The following GSE1 variants were observed in gnomAD, a reference collection of about 807,000 sequenced individuals.
The protein encoded by GSE1 is genetic suppressor element 1.
In GSE1, 32 loss-of-function variants were observed where a neutral mutation model predicts 112.6. The ratio of observed to expected loss-of-function variants is 0.28; its 90% CI spans 0.21 to 0.38. The LOEUF is 0.38. GSE1 is among the 10% of genes least tolerant of loss of function. The pLI, the probability that GSE1 is intolerant of heterozygous loss-of-function variation, is 1.00. For missense variants in GSE1, 2,348 were observed against 1,699.2 expected (o/e 1.38, Z -6.71); for synonymous variants, 1,115 against 735.6 (o/e 1.52, Z -8.35).
chr16:85,652,581 C>G (rs920717579), intron 3 of GSE1, among the ~76,000 whole-genome samples: 2 of 152,180 alleles, frequency 1.3e-5, no homozygotes, highest in African/African-American at 2.4e-5. Flanking sequence ...CCAGTTAATC[C>G]TCGCTGACTG....
At chr16:85,304,607 G>GGGC (rs1555557456) in intron 1 of GSE1, among the ~76,000 whole-genome samples, 1 of 123,962 alleles carries the variant, frequency 8.1e-6, no homozygotes, top group Admixed American at 7.7e-5. Context: ...GGGGCGGGGG[G>GGGC]GTGGGGCATC....
chr16:85,611,487 G>A, upstream of GSE1: 3 of 985,128 alleles, frequency 3.0e-6, no homozygotes, highest in Non-Finnish European at 3.6e-6. Flanking sequence ...GTCGTGCGGG[G>A]AAGCAGCACC....
In GSE1 at chr16:85,521,508, C is replaced by A. The variant is rs543248374; in HGVS notation, c.2465-112406C>A. Among the ~76,000 whole-genome samples, 12 of 152,346 alleles carry A rather than the reference C, an allele frequency of 7.9e-5. No homozygotes were observed. In the East Asian group the frequency reaches 2.3e-3, roughly 29 times the overall value. ...GCATCAATAGGCCAGGGTTTCAGGC[C>A]CAGCTTTACCTGCAGCAGTTCAGCT... On this transcript the variant is annotated intron_variant, in intron 2 of 2. Coordinates refer to the GSE1 transcript ENST00000637419.
Position 85,661,732 on chromosome 16 carries a change from G to A in GSE1, c.2227G>A (p.Glu743Lys). ...RRRLVSKLDL[E>K]ERRRREAQEK... ...GAGGCTGGTCAGCAAGCTGGACCTG[G>A]AGGAGCGCAGGCGGCGGGAGGCCCA... is the stretch of plus-strand genomic sequence containing the variant. Residue 743 changes from glutamate to lysine, a missense_variant, in exon 9 of 16, where the codon GAG becomes AAG. By Grantham distance (56) the Glu-to-Lys change is moderately conservative. Transcript: ENST00000253458. The A allele has an allele frequency of 8.3e-6, 13 of 1,573,274 alleles. No homozygotes were observed. Among genetic ancestry groups the A allele is most frequent in the Non-Finnish European group, 1.1e-5 (13 of 1,158,346 alleles).
At chr16:85,403,322 G>C (rs567224493) in intron 2 of GSE1, among the ~76,000 whole-genome samples, 110 of 152,300 alleles carry the variant, frequency 7.2e-4, no homozygotes, top group African/African-American at 2.6e-3. Context: ...AAGTCACCAG[G>C]TCCAGCCCAC....
At chr16:85,502,136 C>A (rs1055627785) in intron 2 of GSE1, among the ~76,000 whole-genome samples, 2 of 152,138 alleles carry the variant, frequency 1.3e-5, no homozygotes, top group African/African-American at 4.8e-5. Context: ...GGGAAGGCAG[C>A]TGGAGGTTGG....
chr16:85,255,145 G>A (rs1471135999), intron 1 of GSE1, among the ~76,000 whole-genome samples: 1 of 152,220 alleles, frequency 6.6e-6, no homozygotes, highest in Non-Finnish European at 1.5e-5. Context: ...GGCGTGAGAG[G>A]CAGGATGGAG....
intron 1 of GSE1, among the ~76,000 whole-genome samples, chr16:85,239,537 G>T (rs1161602654): frequency 6.6e-6 from 1 of 152,226 alleles, no homozygotes; most frequent in Non-Finnish European, 1.5e-5. Context: ...CTTTCCTGGA[G>T]CCTGGCCTCA....
At chr16:85,477,819 C>G (rs954991620) in intron 2 of GSE1, among the ~76,000 whole-genome samples, 5 of 152,102 alleles carry the variant, frequency 3.3e-5, no homozygotes, top group African/African-American at 1.2e-4. Context: ...CTCGGCCTCC[C>G]AAAGTGTTGA....
intron 1 of GSE1, among the ~76,000 whole-genome samples, chr16:85,205,899 G>A (rs531564277): frequency 2.0e-5 from 3 of 152,198 alleles, no homozygotes; most frequent in African/African-American, 4.8e-5. Flanking sequence ...ACTGAGTGCC[G>A]TCACGTGCCT....
intron 2 of GSE1, among the ~76,000 whole-genome samples, chr16:85,491,977 C>T (rs540647130): frequency 1.3e-5 from 2 of 152,210 alleles, no homozygotes; most frequent in South Asian, 4.1e-4. Context: ...ACCCTGTGGG[C>T]TGGGGCATCT....
intron 2 of GSE1, among the ~76,000 whole-genome samples, chr16:85,371,594 G>A (rs2047302501): frequency 6.6e-6 from 1 of 152,178 alleles, no homozygotes; most frequent in Non-Finnish European, 1.5e-5. Context: ...ACAGCCTTCT[G>A]GGCACTCCCT....
intron 2 of GSE1, among the ~76,000 whole-genome samples, chr16:85,358,013 A>C (rs2040846766): frequency 6.6e-6 from 1 of 152,058 alleles, no homozygotes; most frequent in African/African-American, 2.4e-5. Context: ...CTCAGATGTC[A>C]ACACACTGTG....
At chr16:85,495,232 G>A (rs1036344810) in intron 2 of GSE1, among the ~76,000 whole-genome samples, 1 of 152,162 alleles carries the variant, frequency 6.6e-6, no homozygotes, top group East Asian at 1.9e-4. Flanking sequence ...CCCAAGTCAA[G>A]CTAGTTTGGA....
At chr16:85,432,084 C>G (rs1331882344) in intron 2 of GSE1, among the ~76,000 whole-genome samples, 1 of 152,248 alleles carries the variant, frequency 6.6e-6, no homozygotes, top group Admixed American at 6.5e-5. Context: ...CCTCTTCCCC[C>G]ATAAACGACC....
At chr16:85,334,703 C>T (rs112813433) in intron 1 of GSE1, among the ~76,000 whole-genome samples, 1,665 of 152,282 alleles carry the variant, frequency 0.011, 29 homozygotes, top group African/African-American at 0.038. Context: ...GGGCTCAAGA[C>T]CCACCACCCC....
At chr16:85,211,621 G>C (rs144025602) in intron 1 of GSE1, among the ~76,000 whole-genome samples, 1 of 152,186 alleles carries the variant, frequency 6.6e-6, no homozygotes, top group African/African-American at 2.4e-5. Context: ...GACTTGTGGC[G>C]GGAACCACTT....
rs1348474382 is a variant in GSE1 at position 85,360,256 on chromosome 16, G to A, written c.2464+2613G>A. On this transcript the variant is annotated intron_variant, in intron 2 of 2. Transcript: ENST00000637419. ...TACTAGCGGGGTACGTTGGGGGCGG[G>A]GGCCTGAGAGTCTGGGGGTGCCAAG... is the stretch of plus-strand genomic sequence containing the variant. Among the ~76,000 whole-genome samples, 3 of 152,188 alleles carry A rather than the reference G, an allele frequency of 2.0e-5. No individual in the cohort carries two copies. In the South Asian group the frequency reaches 6.2e-4, roughly 32 times the overall value.
chr16:85,446,623 G>T (rs569190537), intron 2 of GSE1, among the ~76,000 whole-genome samples: 13 of 152,302 alleles, frequency 8.5e-5, no homozygotes, highest in Admixed American at 7.8e-4. Flanking sequence ...CCCCTATGGG[G>T]TGTGGGTGGC....
Sources: gnomAD v4.1 joint callset for allele counts (sites outside exome capture counted in the v4.1 genomes callset) on GRCh38, gnomAD v4.1.1 for gene constraint, MANE v1.5 for transcripts, NCBI Gene and HGNC (gene_info 2026-07-23, HGNC 2026-07-21) for gene names.